The following ZDHHC6 variants were observed in gnomAD, a reference collection of about 807,000 sequenced individuals.
ZDHHC6 encodes the protein palmitoyltransferase ZDHHC6.
In ZDHHC6, 32 loss-of-function variants were observed where a neutral mutation model predicts 57.8. That is an observed-to-expected ratio of 0.55 (90% CI 0.42 to 0.74). ZDHHC6 has a LOEUF of 0.74. ZDHHC6 is among the 30% of genes least tolerant of loss of function. ZDHHC6 has a pLI of 0.00. For synonymous variants in ZDHHC6, 128 were observed against 158.0 expected, an observed-to-expected ratio of 0.81 and a Z score of 1.42; for missense variants, 433 against 500.7, an observed-to-expected ratio of 0.86 and a Z score of 1.29.
upstream of ZDHHC6, chr10:112,447,120 G>T (rs1846852295): frequency 5.9e-6 from 3 of 506,674 alleles, no homozygotes; most frequent in Non-Finnish European, 1.1e-5. Flanking sequence ...GGCACTAATT[G>T]GGGCGCTTTT....
At chr10:112,447,349 C>T, upstream of ZDHHC6, 3 of 1,609,748 alleles carry the variant, frequency 1.9e-6, no homozygotes, top group Non-Finnish European at 1.7e-6. Flanking sequence ...AGGCTTTGGC[C>T]TGGGCTACTC....
Position 112,430,664 on chromosome 10 carries a change from A to G in ZDHHC6, c.*140T>C, listed in dbSNP as rs1410044586. On this transcript the variant is annotated 3_prime_UTR_variant, in exon 11 of 11. Coordinates refer to ENST00000369405, the MANE Select transcript of ZDHHC6 (RefSeq NM_022494.3). ...TCTCCATTTCAAAATGGTAATAAAA[A>G]TATTTAAATCATGGCACTAGGGCAC... 5.0e-6 allele frequency: 3 copies of G among 599,180 alleles called. No homozygotes were observed. Among genetic ancestry groups the G allele is most frequent in the Non-Finnish European group, 7.9e-6 (3 of 377,548 alleles). 37.1% of individuals were successfully genotyped at this position (599,180 alleles called of 1,614,324 possible). A position where few individuals can be genotyped will look rare whatever the true frequency, so the allele number is the denominator to read the frequency against.
intron 1 of ZDHHC6, among the ~76,000 whole-genome samples, chr10:112,446,192 C>T (rs1366245288): frequency 6.6e-6 from 1 of 152,112 alleles, no homozygotes; most frequent in Non-Finnish European, 1.5e-5. Flanking sequence ...CCCCGCCACC[C>T]AAACATCAAG....
downstream of ZDHHC6, chr10:112,426,607 C>G (rs1342268651): frequency 1.6e-6 from 1 of 636,078 alleles, no homozygotes. Context: ...ACTGTTAACA[C>G]TTAGATGTGC....
chr10:112,440,594 C>G lies in ZDHHC6; in HGVS notation c.621G>C (p.Leu207Phe). The G allele has an allele frequency of 1.9e-6, 3 of 1,614,054 alleles. No homozygotes were observed. Among genetic ancestry groups the G allele is most frequent in the Non-Finnish European group, 1.7e-6 (2 of 1,179,974 alleles). The part of the protein sequence containing the change: ...PFGLAAFATT[L>F]FALGLALGTT... ...TTCCTAAAGCTAATCCCAAGGCAAACAAGGTGGTAGCAAATGCAGCTAATC... is the reference window on the plus strand; with the variant it reads ...TTCCTAAAGCTAATCCCAAGGCAAAGAAGGTGGTAGCAAATGCAGCTAATC... Residue 207 changes from leucine to phenylalanine, a missense_variant, in exon 5 of 11, where the codon TTG becomes TTC. Leu to Phe is a conservative substitution (Grantham distance 22). Coordinates refer to ENST00000369405, the MANE Select transcript of ZDHHC6 (RefSeq NM_022494.3).
intron 6 of ZDHHC6, 79 bp from the exon 7 acceptor site, chr10:112,434,543 T>C: frequency 7.4e-7 from 1 of 1,348,740 alleles, no homozygotes; most frequent in Non-Finnish European, 1.0e-6. Flanking sequence ...GAACACTTAT[T>C]TCTCAAGTTT....
chr10:112,425,568 G>T, downstream of ZDHHC6: 26 of 933,116 alleles, frequency 2.8e-5, no homozygotes, highest in South Asian at 7.0e-5. Context: ...GTTGGGTTCA[G>T]AATGAGAAGA....
intron 5 of ZDHHC6, among the ~76,000 whole-genome samples, chr10:112,439,521 C>T (rs1005020706): frequency 2.7e-5 from 4 of 150,768 alleles, no homozygotes; most frequent in Non-Finnish European, 2.9e-5. Context: ...ATCCCAGCTA[C>T]TTGGCAGGCT....
intron 1 of ZDHHC6, among the ~76,000 whole-genome samples, 200 bp from the exon 2 acceptor site, chr10:112,445,850 G>A (rs1846611240): frequency 6.6e-6 from 1 of 152,244 alleles, no homozygotes; most frequent in Non-Finnish European, 1.5e-5. Flanking sequence ...TGAATGGCAT[G>A]CAAACTGGAT....
rs910720402 is a variant in ZDHHC6, at chr10:112,438,174, G to T, written c.735+162C>A. Among the ~76,000 whole-genome samples the T allele has an allele frequency of 2.0e-5, 3 of 152,246 alleles. No homozygotes were observed. In the East Asian group the frequency reaches 5.8e-4, roughly 29 times the overall value. ...TGTTTCCTATATTCACCTTTTATGT[G>T]GCATGCAAATGACTTACGGTAGCCA... On this transcript the variant is annotated intron_variant, in intron 6 of 10. Coordinates refer to ENST00000369405, the MANE Select transcript of ZDHHC6 (RefSeq NM_022494.3).
At chr10:112,447,525 G>A, upstream of ZDHHC6, 2 of 1,576,170 alleles carry the variant, frequency 1.3e-6, no homozygotes, top group Non-Finnish European at 1.7e-6. Context: ...GGTGCGGGCG[G>A]TGGAACGCCG....
At chr10:112,426,184 CTTTA>C, downstream of ZDHHC6, 10 of 1,171,274 alleles carry the variant, frequency 8.5e-6, no homozygotes, top group South Asian at 5.1e-5. Context: ...CATAATTCTG[CTTTA>C]TTTAACTACT....
chr10:112,442,076 T>C, intron 4 of ZDHHC6, 116 bp downstream of exon 4: 1 of 1,254,794 alleles, frequency 8.0e-7, no homozygotes, highest in Non-Finnish European at 1.1e-6. Context: ...CAAAGTTCTA[T>C]TTCCCCAACT....
intron 6 of ZDHHC6, among the ~76,000 whole-genome samples, chr10:112,434,893 G>A (rs141831187): frequency 5.9e-5 from 9 of 152,330 alleles, no homozygotes; most frequent in African/African-American, 1.9e-4. Flanking sequence ...GAACTGTTTT[G>A]TGGGGTGCAC....
Position 112,440,584 on chromosome 10 carries a change from C to T in ZDHHC6, c.631G>A (p.Gly211Arg). ...AAFATTLFAL[G>R]LALGTTIAVG... Reference sequence around the variant, plus strand: ...GCTATGGTTGTTCCTAAAGCTAATCCCAAGGCAAACAAGGTGGTAGCAAAT... The same window carrying T: ...GCTATGGTTGTTCCTAAAGCTAATCTCAAGGCAAACAAGGTGGTAGCAAAT... Residue 211 changes from glycine to arginine, a missense_variant, in exon 5 of 11, where the codon GGA becomes AGA. Coordinates refer to ENST00000369405, the MANE Select transcript of ZDHHC6 (RefSeq NM_022494.3). The T allele has an allele frequency of 6.2e-7, 1 of 1,613,944 alleles. No homozygotes were observed.
At chr10:112,434,866 C>G (rs1845375158) in intron 6 of ZDHHC6, among the ~76,000 whole-genome samples, 1 of 152,126 alleles carries the variant, frequency 6.6e-6, no homozygotes, top group African/African-American at 2.4e-5. Flanking sequence ...CAGGATGGAA[C>G]CGTTTTATTC....
chr10:112,440,794 A>G (rs1846037831), intron 4 of ZDHHC6, 99 bp from the exon 5 acceptor site: 2 of 1,176,108 alleles, frequency 1.7e-6, no homozygotes, highest in East Asian at 5.5e-5. Flanking sequence ...AGAGATAACA[A>G]CGTGGCCCTG....
At chr10:112,438,420 A>G (rs1845755689) in intron 5 of ZDHHC6, 31 bp from the exon 6 acceptor site, 3 of 1,336,192 alleles carry the variant, frequency 2.2e-6, no homozygotes, top group Non-Finnish European at 3.0e-6. Context: ...AAATTTAATA[A>G]TGCGACCTTG....
At chr10:112,445,128 C>A in intron 2 of ZDHHC6, 42 bp downstream of exon 2, 1 of 1,578,842 alleles carries the variant, frequency 6.3e-7, no homozygotes. Flanking sequence ...ACCAAATATA[C>A]GATTATCATT....
Sources: gnomAD v4.1 joint callset for allele counts (sites outside exome capture counted in the v4.1 genomes callset) on GRCh38, gnomAD v4.1.1 for gene constraint, MANE v1.5 for transcripts, NCBI Gene and HGNC (gene_info 2026-07-23, HGNC 2026-07-21) for gene names.